The following NOX4 variants were observed in gnomAD, a reference collection of about 807,000 sequenced individuals.
NOX4 encodes kidney oxidase-1.
A neutral mutation model predicts 87.6 loss-of-function variants in NOX4; 69 were observed. That is an observed-to-expected ratio of 0.79 (90% CI 0.65 to 0.96). The LOEUF is 0.96. Ranked by LOEUF, NOX4 falls within the 40% of genes least tolerant of loss-of-function variation. The probability of loss-of-function intolerance (pLI) is 0.00; values close to 1 mark genes in which losing one functional copy is unlikely to be tolerated. For missense variants in NOX4, 680 were observed against 681.5 expected (o/e 1.00, Z 0.02); for synonymous variants, 275 against 238.2 (o/e 1.15, Z -1.42).
the NOX4 span, among the ~76,000 whole-genome samples, chr11:89,551,202 A>G: frequency 5.7e-3 from 862 of 152,300 alleles, 6 homozygotes; most frequent in Middle Eastern, 0.01. Flanking sequence ...GTTTAGTTAT[A>G]GCCTTGTAGT....
In NOX4 at chr11:89,324,377, C is replaced by T. The variant is rs538787562; in HGVS notation, c.*2379G>A. The T allele has an allele frequency of 6.6e-5, 10 of 152,122 alleles. No homozygotes were observed. The highest frequency in any genetic ancestry group is 1.5e-4 in the Non-Finnish European group (10 of 68,020). 9.4% of individuals were successfully genotyped at this position (152,122 alleles called of 1,614,324 possible). On this transcript the variant is annotated 3_prime_UTR_variant, in exon 18 of 18. Coordinates refer to ENST00000263317, the MANE Select transcript of NOX4 (RefSeq NM_016931.5). Reference sequence around the variant, plus strand: ...ATTTCAATTTTAACATTTATTGCTACTAAAATTAGTGATTTAAGGCTTGTA... The same window carrying T: ...ATTTCAATTTTAACATTTATTGCTATTAAAATTAGTGATTTAAGGCTTGTA...
rs1946847327 is a variant in NOX4, at chr11:89,491,328, T to C, written c.-82A>G. The stretch of plus-strand genomic sequence containing the variant: ...GCGGCCGGGGCAGCGGTTACAGTTG[T>C]GCGGCCTGCCGGGCCGCTGAGCGAG... On this transcript the variant is annotated 5_prime_UTR_variant, in exon 1 of 18. Transcript: ENST00000263317. 7.6e-7 allele frequency: 1 copy of C among 1,310,890 alleles called. No individual in the cohort carries two copies. Among genetic ancestry groups the C allele is most frequent in the Non-Finnish European group, 1.0e-6 (1 of 954,180 alleles). The allele number at this position is 1,310,890 out of a possible 1,614,324, so 81.2% of individuals were successfully genotyped here.
At chr11:89,457,344 C>T (rs993853320) in intron 2 of NOX4, among the ~76,000 whole-genome samples, 32 of 152,316 alleles carry the variant, frequency 2.1e-4, no homozygotes, top group Admixed American at 1.7e-3. Context: ...CCTCTGCCAC[C>T]GCCCTGCACC....
At chr11:89,580,605 CA>C in the NOX4 span, among the ~76,000 whole-genome samples, 1 of 152,124 alleles carries the variant, frequency 6.6e-6, no homozygotes, top group African/African-American at 2.4e-5. Flanking sequence ...TGGGCAAAAT[CA>C]TTTAATTAGT....
Position 89,424,518 on chromosome 11 carries a change from T to C in NOX4, c.549-2536A>G, listed in dbSNP as rs571909873. On this transcript the variant is annotated intron_variant, in intron 7 of 17. Transcript: ENST00000263317. Reference sequence around the variant, plus strand: ...ATTAAAAATACTTTTGCTTTTTTCCTGATTTTCTTAGGAATACATCTAGTG... The same window carrying C: ...ATTAAAAATACTTTTGCTTTTTTCCCGATTTTCTTAGGAATACATCTAGTG... 4.6e-5 allele frequency among the ~76,000 whole-genome samples: 7 copies of C among 152,076 alleles called. No homozygotes were observed. The South Asian group carries it at 1.5e-3, about 32-fold the overall frequency.
chr11:89,378,086 T>G (rs1309652125), intron 11 of NOX4, among the ~76,000 whole-genome samples: 4 of 152,170 alleles, frequency 2.6e-5, no homozygotes, highest in Admixed American at 2.0e-4. Flanking sequence ...AAAGAAAATG[T>G]CTGATCACAG....
At chr11:89,387,150 A>G (rs1269438880) in intron 11 of NOX4, among the ~76,000 whole-genome samples, 3 of 151,706 alleles carry the variant, frequency 2.0e-5, no homozygotes, top group Non-Finnish European at 4.4e-5. Context: ...ACACTTTACC[A>G]CTATTTTGTT....
At chr11:89,327,439 A>G (rs1478867608) in intron 17 of NOX4, among the ~76,000 whole-genome samples, 1 of 152,224 alleles carries the variant, frequency 6.6e-6, no homozygotes, top group African/African-American at 2.4e-5. Context: ...AAACATATTC[A>G]TCTAGTTCTT....
At chr11:89,390,600 C>T (rs317150) in intron 11 of NOX4, among the ~76,000 whole-genome samples, 22,881 of 152,082 alleles carry the variant, frequency 0.15, 2,131 homozygotes, top group East Asian at 0.3. Flanking sequence ...TCAAGTTCTA[C>T]TTCAGCCTAC....
the NOX4 span, among the ~76,000 whole-genome samples, chr11:89,538,174 T>C: frequency 6.6e-6 from 1 of 152,226 alleles, no homozygotes; most frequent in African/African-American, 2.4e-5. Context: ...TGCAGTTCCA[T>C]TCATCTATGT....
At chr11:89,563,917 C>CA in the NOX4 span, among the ~76,000 whole-genome samples, 1 of 152,058 alleles carries the variant, frequency 6.6e-6, no homozygotes, top group Admixed American at 6.6e-5. Context: ...CTTTTCAAAA[C>CA]AAAAGCCTTC....
At chr11:89,414,646 T>C (rs1185883680) in intron 8 of NOX4, among the ~76,000 whole-genome samples, 2 of 147,990 alleles carry the variant, frequency 1.4e-5, no homozygotes, top group African/African-American at 5.0e-5. Flanking sequence ...TATTATAAAA[T>C]GATTACATTA....
the NOX4 span, among the ~76,000 whole-genome samples, chr11:89,569,140 A>C: frequency 6.6e-6 from 1 of 152,066 alleles, no homozygotes; most frequent in Admixed American, 6.5e-5. Context: ...AACATTCTGG[A>C]CATAGGTCCT....
upstream of NOX4, among the ~76,000 whole-genome samples, chr11:89,493,723 TATTATTATTA>T (rs1039303049): frequency 3.3e-5 from 2 of 60,400 alleles, no homozygotes; most frequent in African/African-American, 1.9e-4. Flanking sequence ...CAGATTGTTT[TATTATTATTA>T]TTATTATTAT....
chr11:89,542,769 T>C, the NOX4 span, among the ~76,000 whole-genome samples: 2 of 152,162 alleles, frequency 1.3e-5, no homozygotes, highest in Non-Finnish European at 2.9e-5. Context: ...CTAATTAAAG[T>C]GTTGAGGCAA....
At chr11:89,407,749 A>G (rs1351692390) in intron 8 of NOX4, among the ~76,000 whole-genome samples, 1 of 152,060 alleles carries the variant, frequency 6.6e-6, no homozygotes, top group Non-Finnish European at 1.5e-5. Context: ...TAATAACAGG[A>G]TTTTATGGTA....
intron 12 of NOX4, among the ~76,000 whole-genome samples, chr11:89,361,148 A>G (rs918193839): frequency 6.6e-6 from 1 of 152,110 alleles, no homozygotes; most frequent in Non-Finnish European, 1.5e-5. Context: ...ACACAGGCAC[A>G]TGCATGTTTA....
chr11:89,438,900 T>TAATATA (rs1565294239), intron 6 of NOX4, among the ~76,000 whole-genome samples: 71 of 59,672 alleles, frequency 1.2e-3, no homozygotes, highest in African/African-American at 4.4e-3. Flanking sequence ...ATATATTATA[T>TAATATA]ATATAATATA....
intron 2 of NOX4, among the ~76,000 whole-genome samples, chr11:89,478,665 C>T (rs1392023279): frequency 6.6e-6 from 1 of 152,030 alleles, no homozygotes; most frequent in Non-Finnish European, 1.5e-5. Context: ...TTTCTTCAAG[C>T]ATGACACACT....
Sources: allele counts gnomAD v4.1 joint callset (sites outside exome capture counted in the v4.1 genomes callset), GRCh38; gene constraint gnomAD v4.1.1; transcripts MANE v1.5; gene names NCBI Gene and HGNC (gene_info 2026-07-23, HGNC 2026-07-21).